Variants in RFC3 observed in about 807,000 individuals in gnomAD.
The protein encoded by RFC3 is A1 38 kDa subunit.
In RFC3, 41 loss-of-function variants were observed where a neutral mutation model predicts 45.1. The ratio of observed to expected loss-of-function variants is 0.91; its 90% confidence interval spans 0.71 to 1.18. The LOEUF is 1.18. Among genes scored for constraint, RFC3 ranks in the 50% most tolerant of loss-of-function variants. The probability of loss-of-function intolerance (pLI) is 0.00; values close to 1 mark genes in which losing one functional copy is unlikely to be tolerated. For missense variants in RFC3, 423 were observed against 428.1 expected, an observed-to-expected ratio of 0.99 and a Z score of 0.10; for synonymous variants, 149 against 144.0, an observed-to-expected ratio of 1.03 and a Z score of -0.25.
At chr13:33,825,698 T>TC in intron 3 of RFC3, 91 bp from the exon 4 acceptor site, 1 of 587,794 alleles carries the variant, frequency 1.7e-6, no homozygotes, top group Non-Finnish European at 2.7e-6. Flanking sequence ...TTAATTTTGA[T>TC]TAAAATTTTG....
chr13:33,827,807 G>C (rs772279571), intron 4 of RFC3, among the ~76,000 whole-genome samples: 12 of 152,120 alleles, frequency 7.9e-5, no homozygotes, highest in Admixed American at 4.6e-4. Context: ...ATCCTTTTGT[G>C]TTGGTCATTT....
chr13:33,830,169 T>G, intron 5 of RFC3, 152 bp downstream of exon 5: 1 of 645,476 alleles, frequency 1.5e-6, no homozygotes, highest in Non-Finnish European at 2.6e-6. Context: ...CCAAAGCGTA[T>G]AGTTGTAAAT....
At chr13:33,845,221 T>G (rs1342795189) in intron 8 of RFC3, among the ~76,000 whole-genome samples, 1 of 152,194 alleles carries the variant, frequency 6.6e-6, no homozygotes, top group African/African-American at 2.4e-5. Flanking sequence ...TCCATGACCT[T>G]TGGGAGTTTG....
intron 4 of RFC3, among the ~76,000 whole-genome samples, chr13:33,826,806 A>G (rs1399312638): frequency 1.3e-5 from 2 of 151,964 alleles, no homozygotes; most frequent in Non-Finnish European, 2.9e-5. Context: ...TCCAATTTTT[A>G]TGGCTCTAAA....
chr13:33,941,148 G>C (rs1038447279), intron 8 of RFC3, among the ~76,000 whole-genome samples: 2 of 152,152 alleles, frequency 1.3e-5, no homozygotes, highest in Non-Finnish European at 1.5e-5. Flanking sequence ...GGAGGAGGCT[G>C]TTCTCTTCAG....
At chr13:33,954,692 T>C (rs183124143) in intron 8 of RFC3, among the ~76,000 whole-genome samples, 2 of 152,276 alleles carry the variant, frequency 1.3e-5, no homozygotes, top group East Asian at 1.9e-4. Flanking sequence ...TAGACAGCCA[T>C]CTTCTGGTTG....
At chr13:33,827,872 A>C (rs2082064877) in intron 4 of RFC3, among the ~76,000 whole-genome samples, 1 of 152,154 alleles carries the variant, frequency 6.6e-6, no homozygotes, top group Non-Finnish European at 1.5e-5. Flanking sequence ...AAGGCCAGAG[A>C]GTTTTTTTTA....
chr13:33,818,174 C>T lies in RFC3; in HGVS notation c.-5C>T, dbSNP rs752271919. On this transcript the variant is annotated 5_prime_UTR_variant, in exon 1 of 9. Coordinates refer to ENST00000380071, the MANE Select transcript of RFC3 (RefSeq NM_002915.4). ...AAGCGTAGGCCCCCGGGAACTCGAGCTGCCATGAGCCTCTGGGTGGACAAG... is the reference window on the plus strand; with the variant it reads ...AAGCGTAGGCCCCCGGGAACTCGAGTTGCCATGAGCCTCTGGGTGGACAAG... 7 of 1,610,922 alleles carry T rather than the reference C, an allele frequency of 4.3e-6. No homozygotes were observed. The South Asian group carries it at 4.4e-5, about 10-fold the overall frequency.
chr13:33,858,378 A>G (rs550588351), intron 8 of RFC3, among the ~76,000 whole-genome samples: 35 of 152,328 alleles, frequency 2.3e-4, no homozygotes, highest in Middle Eastern at 3.4e-3. Context: ...ATAATAAAGA[A>G]TAACGGTAGA....
intron 8 of RFC3, among the ~76,000 whole-genome samples, chr13:33,871,266 C>G (rs2082407780): frequency 6.6e-6 from 1 of 152,188 alleles, no homozygotes; most frequent in Non-Finnish European, 1.5e-5. Context: ...TCTTACTGTT[C>G]TGGAGCTCAG....
intron 7 of RFC3, among the ~76,000 whole-genome samples, chr13:33,833,614 C>T (rs2082123700): frequency 1.3e-5 from 2 of 152,174 alleles, no homozygotes; most frequent in African/African-American, 2.4e-5. Context: ...CATGTATGCA[C>T]TACACACAGT....
At chr13:33,831,932 C>A (rs553437261) in intron 7 of RFC3, among the ~76,000 whole-genome samples, 1 of 152,172 alleles carries the variant, frequency 6.6e-6, no homozygotes, top group Admixed American at 6.5e-5. Context: ...CTAAAAAACC[C>A]TGTGCTTATA....
At chr13:33,859,282 G>A (rs960474308) in intron 8 of RFC3, among the ~76,000 whole-genome samples, 7 of 152,108 alleles carry the variant, frequency 4.6e-5, no homozygotes, top group South Asian at 2.1e-4. Context: ...AGAGAATTGC[G>A]ATGCAAAACA....
At chr13:33,959,216 GCT>G (rs1331776878) in intron 8 of RFC3, among the ~76,000 whole-genome samples, 1 of 152,086 alleles carries the variant, frequency 6.6e-6, no homozygotes, top group Non-Finnish European at 1.5e-5. Context: ...TGTGGTCTCT[GCT>G]CTCCTTCTAA....
At chr13:33,853,607 C>A (rs1265712614) in intron 8 of RFC3, among the ~76,000 whole-genome samples, 1 of 152,114 alleles carries the variant, frequency 6.6e-6, no homozygotes, top group Non-Finnish European at 1.5e-5. Context: ...ATTATTTATT[C>A]ACTAAGAAAG....
Position 33,825,804 on chromosome 13 carries a change from T to C in RFC3, c.309T>C (p.Ser103=), listed in dbSNP as rs905108387. 1.3e-6 allele frequency: 2 copies of C among 1,599,404 alleles called. No homozygotes were observed. The highest frequency in any genetic ancestry group is 1.7e-6 in the Non-Finnish European group (2 of 1,172,402). Residue 103 remains serine, a synonymous_variant, in exon 4 of 9, where the codon AGT becomes AGC. Coordinates refer to ENST00000380071, the MANE Select transcript of RFC3 (RefSeq NM_002915.4). ...TTTTGTGTAGTGATGCTGGAAATAG[T>C]GACCGAGTAGTCATTCAGGAGATGT... ...LEVNPSDAGN[S]DRVVIQEMLK... is the part of the protein sequence containing the mutation.
At chr13:33,845,104 C>G (rs1276715235) in intron 8 of RFC3, among the ~76,000 whole-genome samples, 2 of 152,174 alleles carry the variant, frequency 1.3e-5, no homozygotes, top group Non-Finnish European at 2.9e-5. Context: ...TGCCATGCCA[C>G]TCTTTCCTGC....
chr13:33,892,000 T>C (rs1271962150), intron 8 of RFC3, among the ~76,000 whole-genome samples: 1 of 151,910 alleles, frequency 6.6e-6, no homozygotes, highest in Non-Finnish European at 1.5e-5. Flanking sequence ...TTAGATATAA[T>C]TTAATAACAT....
chr13:33,904,518 A>T (rs934178060), intron 8 of RFC3, among the ~76,000 whole-genome samples: 2 of 151,834 alleles, frequency 1.3e-5, no homozygotes, highest in Non-Finnish European at 2.9e-5. Context: ...ACTCTCTTCT[A>T]ATTAGTTTTC....
Sources: allele counts gnomAD v4.1 joint callset (sites outside exome capture counted in the v4.1 genomes callset), GRCh38; gene constraint gnomAD v4.1.1; transcripts MANE v1.5; gene names NCBI Gene and HGNC (gene_info 2026-07-23, HGNC 2026-07-21).